The following SCNN1B variants were observed in gnomAD, a reference collection of about 807,000 sequenced individuals.
SCNN1B encodes the protein sodium channel epithelial 1 subunit beta.
A neutral mutation model predicts 65.3 loss-of-function variants in SCNN1B; 46 were observed. The observed-to-expected ratio is 0.70, with a 90% confidence interval of 0.56 to 0.90. SCNN1B has a LOEUF of 0.90. Among genes scored for constraint, SCNN1B ranks in the 40% least tolerant of loss-of-function variants. The pLI is 0.00. For missense variants in SCNN1B, 751 were observed against 830.5 expected (o/e 0.90, Z 1.18); for synonymous variants, 349 against 330.6 (o/e 1.06, Z -0.60).
At position 23,344,872 on chromosome 16, in the gene SCNN1B, T is replaced by C. The variant is rs112333443; in HGVS notation, c.-8-3720T>C. On this transcript the variant is annotated intron_variant, in intron 1 of 12. Transcript: ENST00000343070. ...AGCTGGGCATGGTGGCATGCGCCTG[T>C]AGTCCCAGCTACTCAAGTGGCTAAG... Among the ~76,000 whole-genome samples, 1,474 of 152,290 alleles carry C rather than the reference T, an allele frequency of 9.7e-3. 23 individuals carry two copies. Among genetic ancestry groups the C allele is most frequent in the African/African-American group, 0.033 (1,382 of 41,558 alleles).
chr16:23,344,764 C>A (rs58096007), intron 1 of SCNN1B, among the ~76,000 whole-genome samples: 1 of 151,958 alleles, frequency 6.6e-6, no homozygotes, highest in Non-Finnish European at 1.5e-5. Context: ...GAAGCCAATG[C>A]GGGTGGATCG....
At chr16:23,282,277 A>C (rs1960794797) in intron 1 of SCNN1B, among the ~76,000 whole-genome samples, 1 of 152,166 alleles carries the variant, frequency 6.6e-6, no homozygotes, top group Non-Finnish European at 1.5e-5. Context: ...TACCCCCCAA[A>C]ATGAGGGGGA....
At chr16:23,280,885 T>C (rs1347184618) in intron 1 of SCNN1B, among the ~76,000 whole-genome samples, 1 of 152,230 alleles carries the variant, frequency 6.6e-6, no homozygotes, top group African/African-American at 2.4e-5. Flanking sequence ...AATATCACAT[T>C]GCATTGTGCT....
At chr16:23,374,372 G>T (rs542147798) in intron 7 of SCNN1B, among the ~76,000 whole-genome samples, 1 of 150,090 alleles carries the variant, frequency 6.7e-6, no homozygotes, top group Non-Finnish European at 1.5e-5. Flanking sequence ...TCAGGAGTTC[G>T]AGACCAGCCT....
chr16:23,372,928 C>T (rs1166158672), intron 7 of SCNN1B, among the ~76,000 whole-genome samples: 4 of 149,218 alleles, frequency 2.7e-5, no homozygotes, highest in Non-Finnish European at 4.5e-5. Flanking sequence ...GGTGAAACCC[C>T]GTCTCTACTA....
chr16:23,345,550 G>A lies in SCNN1B; in HGVS notation c.-8-3042G>A, dbSNP rs184318786. ...GGCTTTATTCTCAGGAAGACTTCCC[G>A]TTTGGGCTGCCAAATACCACCAGCT... is the stretch of plus-strand genomic sequence containing the variant. On this transcript the variant is annotated intron_variant, in intron 1 of 12. Transcript: ENST00000343070. Among the ~76,000 whole-genome samples, 54 of 152,258 alleles carry A rather than the reference G, an allele frequency of 3.5e-4. 1 individual carries two copies. In the East Asian group the frequency reaches 9.8e-3, roughly 28 times the overall value.
intron 1 of SCNN1B, among the ~76,000 whole-genome samples, chr16:23,303,733 T>A (rs540302359): frequency 2.0e-5 from 3 of 148,184 alleles, no homozygotes; most frequent in African/African-American, 7.6e-5. Flanking sequence ...CCAGCCTACA[T>A]GGTGAAACCC....
intron 1 of SCNN1B, chr16:23,278,454 C>G (rs1167807720): frequency 6.6e-6 from 1 of 151,986 alleles, no homozygotes; most frequent in Non-Finnish European, 1.5e-5. Context: ...ACACTGTCAC[C>G]CAGGCTGGAT....
upstream of SCNN1B, among the ~76,000 whole-genome samples, chr16:23,301,876 C>T (rs77395615): frequency 2.1e-3 from 324 of 152,238 alleles, 13 homozygotes; most frequent in East Asian, 0.044. Context: ...CACCAACTTG[C>T]CCAGAGGACA....
chr16:23,309,215 C>G (rs1041989174), intron 1 of SCNN1B, among the ~76,000 whole-genome samples: 4 of 152,046 alleles, frequency 2.6e-5, no homozygotes, highest in Admixed American at 6.6e-5. Context: ...GCTCACCATC[C>G]TATACTTACA....
rs149218777 is a variant in SCNN1B, at chr16:23,344,087, C to T, written c.-8-4505C>T. 3.9e-3 allele frequency among the ~76,000 whole-genome samples: 600 copies of T among 152,348 alleles called. 4 individuals carry two copies. Among genetic ancestry groups the T allele is most frequent in the African/African-American group, 0.014 (568 of 41,580 alleles). The stretch of plus-strand genomic sequence containing the variant: ...GTAACAACTTTTGCTACCTGTAGTA[C>T]TGTTGTTTACTTAAACATTTTTCTT... On this transcript the variant is annotated intron_variant, in intron 1 of 12. Coordinates refer to ENST00000343070, the MANE Select transcript of SCNN1B (RefSeq NM_000336.3).
At chr16:23,337,964 T>G (rs1322948157) in intron 1 of SCNN1B, among the ~76,000 whole-genome samples, 1 of 152,072 alleles carries the variant, frequency 6.6e-6, no homozygotes, top group Non-Finnish European at 1.5e-5. Flanking sequence ...CCCAGCTACT[T>G]AGGACACTGA....
At chr16:23,306,904 T>C (rs1961231124) in intron 1 of SCNN1B, among the ~76,000 whole-genome samples, 1 of 152,198 alleles carries the variant, frequency 6.6e-6, no homozygotes, top group Non-Finnish European at 1.5e-5. Context: ...GGAATAGAGA[T>C]GAGCATTTCT....
chr16:23,369,927 C>G (rs975916335), intron 5 of SCNN1B, among the ~76,000 whole-genome samples: 1 of 152,092 alleles, frequency 6.6e-6, no homozygotes, highest in African/African-American at 2.4e-5. Context: ...CCGAGGAGCT[C>G]ATGTTTATTT....
chr16:23,360,998 G>A (rs950095115), intron 4 of SCNN1B, among the ~76,000 whole-genome samples: 2 of 152,142 alleles, frequency 1.3e-5, no homozygotes, highest in African/African-American at 2.4e-5. Flanking sequence ...GTTTCACTGT[G>A]TTAGCCAGGA....
In SCNN1B at chr16:23,381,092, C is replaced by A. The variant is rs1963043054; in HGVS notation, c.*291C>A. 2.1e-6 allele frequency: 1 copy of A among 475,470 alleles called. No homozygotes were observed. The highest frequency in any genetic ancestry group is 2.0e-5 in the African/African-American group (1 of 51,070). 29.5% of individuals were successfully genotyped at this position (475,470 alleles called of 1,614,324 possible). ...CTGAAGACCCCTCGGAACACCCTCT[C>A]CTGGTGGCAGGCCACTTCCCTCCCA... On this transcript the variant is annotated 3_prime_UTR_variant, in exon 13 of 13. Transcript: ENST00000343070.
chr16:23,376,177 G>A (rs1962890905), intron 8 of SCNN1B, among the ~76,000 whole-genome samples: 1 of 152,268 alleles, frequency 6.6e-6, no homozygotes, highest in Non-Finnish European at 1.5e-5. Flanking sequence ...CTGCTGGCGA[G>A]TGTGTGCCTG....
chr16:23,328,020 T>A (rs962088721), intron 1 of SCNN1B, among the ~76,000 whole-genome samples: 1 of 152,094 alleles, frequency 6.6e-6, no homozygotes, highest in African/African-American at 2.4e-5. Context: ...ACAGAACAAG[T>A]CTTGTAAGGA....
chr16:23,303,037 A>G (rs1961119284), intron 1 of SCNN1B, among the ~76,000 whole-genome samples: 1 of 152,182 alleles, frequency 6.6e-6, no homozygotes, highest in Non-Finnish European at 1.5e-5. Context: ...CGTGGGTTTC[A>G]TTTGGGGTGA....
Sources: gnomAD v4.1 joint callset for allele counts (sites outside exome capture counted in the v4.1 genomes callset) on GRCh38, gnomAD v4.1.1 for gene constraint, MANE v1.5 for transcripts, NCBI Gene and HGNC (gene_info 2026-07-23, HGNC 2026-07-21) for gene names.